The following TRAK1 variants were observed in gnomAD, a reference collection of about 807,000 sequenced individuals.
TRAK1 encodes trafficking kinesin-binding protein 1.
In TRAK1, 33 loss-of-function variants were observed where a neutral mutation model predicts 92.1. That is an observed-to-expected ratio of 0.36 (90% CI 0.27 to 0.48). The LOEUF (loss-of-function observed/expected upper bound fraction) is 0.48, where lower values mean the gene tolerates loss of function less well. TRAK1 is among the 20% of genes least tolerant of loss of function. TRAK1 has a pLI of 0.99. For missense variants in TRAK1, 1,123 were observed against 1,257.9 expected (o/e 0.89, Z 1.62); for synonymous variants, 521 against 517.3 (o/e 1.01, Z -0.10).
chr3:42,072,330 C>G (rs1462516319), intron 1 of TRAK1, among the ~76,000 whole-genome samples: 2 of 152,054 alleles, frequency 1.3e-5, no homozygotes, highest in Non-Finnish European at 2.9e-5. Context: ...TTCACTGGAC[C>G]TGGGCCAGCT....
rs984739371 is a variant in TRAK1 at position 42,161,141 on chromosome 3, C to G, written c.287-15673C>G. Among the ~76,000 whole-genome samples, 7 of 152,190 alleles carry G rather than the reference C, an allele frequency of 4.6e-5. 1 individual carries two copies. In the East Asian group the frequency reaches 1.3e-3, roughly 29 times the overall value. On this transcript the variant is annotated intron_variant, in intron 2 of 15. Coordinates refer to ENST00000327628, the MANE Select transcript of TRAK1 (RefSeq NM_001042646.3). ...CACTGCCGGCTCTCTTAAAGAGATG[C>G]TCCTTTGCAGGGAAAAGGGAGGATG...
intron 1 of TRAK1, among the ~76,000 whole-genome samples, chr3:42,115,024 T>G (rs968650941): frequency 6.6e-6 from 1 of 152,236 alleles, no homozygotes; most frequent in African/African-American, 2.4e-5. Context: ...ACATATGCTT[T>G]TAAGAGAAGT....
At position 42,222,961 on chromosome 3, in the gene TRAK1, C is replaced by T. The variant is rs1710506326; in HGVS notation, c.2086C>T (p.Pro696Ser). The T allele has an allele frequency of 6.2e-7, 1 of 1,613,454 alleles. No homozygotes were observed. Among genetic ancestry groups the T allele is most frequent in the Admixed American group, 1.7e-5 (1 of 59,996 alleles). The change falls in exon 16 of 16, where the codon CCA becomes TCA. Residue 696 changes from proline to serine, a missense_variant. Physicochemically the swap from Pro to Ser is moderately conservative, Grantham distance 74. Transcript: ENST00000327628. ...VTPSLNSAPT[P>S]ACGSTSHLKS... ...TTTCAGCCTTAACTCAGCCCCAACT[C>T]CAGCTTGTGGCAGCACCAGCCACTT...
intron 1 of TRAK1, among the ~76,000 whole-genome samples, chr3:42,044,957 G>A (rs1465221266): frequency 6.6e-6 from 1 of 151,802 alleles, no homozygotes; most frequent in Non-Finnish European, 1.5e-5. Context: ...ATGCTTGTGT[G>A]TTTTTTTAAA....
chr3:42,084,411 T>A (rs1221030467), upstream of TRAK1, among the ~76,000 whole-genome samples: 4 of 152,214 alleles, frequency 2.6e-5, no homozygotes, highest in African/African-American at 9.6e-5. Flanking sequence ...CTGGGTAACA[T>A]AGTAAGACTC....
intron 14 of TRAK1, chr3:42,218,507 A>G (rs929681639): frequency 2.0e-6 from 2 of 984,076 alleles, no homozygotes; most frequent in Non-Finnish European, 2.4e-6. Flanking sequence ...TTCGGGCAGC[A>G]TCTTTTTTTT....
chr3:42,078,752 C>CAAAAAAAAAAA (rs748321736), intron 1 of TRAK1, among the ~76,000 whole-genome samples: 2 of 49,648 alleles, frequency 4.0e-5, no homozygotes, highest in Non-Finnish European at 4.4e-5. Flanking sequence ...GATTCCATCT[C>CAAAAAAAAAAA]AAAAAAAAAA....
intron 1 of TRAK1, among the ~76,000 whole-genome samples, chr3:42,039,237 C>A (rs990882165): frequency 6.6e-6 from 1 of 152,132 alleles, no homozygotes; most frequent in African/African-American, 2.4e-5. Context: ...TTAAGTGTTG[C>A]CCATGTTGTA....
chr3:42,095,718 G>GTCATCGTCATCATCATCATCATCA (rs778708244), intron 1 of TRAK1, among the ~76,000 whole-genome samples: 2 of 151,188 alleles, frequency 1.3e-5, no homozygotes, highest in Admixed American at 1.3e-4. Flanking sequence ...CTTTATCATC[G>GTCATCGTCATCATCATCATCATCA]TCATCATCAT....
intron 3 of TRAK1, among the ~76,000 whole-genome samples, chr3:42,183,553 T>TAAAAAAAAAAAAAAAAA (rs11293523): frequency 6.0e-5 from 7 of 117,352 alleles, no homozygotes; most frequent in South Asian, 2.8e-4. Context: ...AGACTCTGTC[T>TAAAAAAAAAAAAAAAAA]AAAAAAAAAA....
chr3:42,065,709 A>G (rs1489429905), intron 1 of TRAK1, among the ~76,000 whole-genome samples: 1 of 152,104 alleles, frequency 6.6e-6, no homozygotes, highest in African/African-American at 2.4e-5. Context: ...GACTCACTAC[A>G]GCCTCGACCT....
chr3:42,090,052 G>T (rs1330805088), upstream of TRAK1, among the ~76,000 whole-genome samples: 1 of 152,188 alleles, frequency 6.6e-6, no homozygotes, highest in Non-Finnish European at 1.5e-5. Context: ...CAGGGCAAGG[G>T]TTCTTTGCTG....
At chr3:42,136,741 G>A (rs1698010996) in intron 2 of TRAK1, among the ~76,000 whole-genome samples, 1 of 151,950 alleles carries the variant, frequency 6.6e-6, no homozygotes, top group African/African-American at 2.4e-5. Context: ...GGAGTGCAGT[G>A]GCGTGTTCTT....
intron 1 of TRAK1, among the ~76,000 whole-genome samples, chr3:42,023,744 G>GT (rs780080581): frequency 0.026 from 2,556 of 99,058 alleles, 530 homozygotes; most frequent in African/African-American, 0.053. Context: ...GCTCGTGAGG[G>GT]TTTTTTTTTT....
At chr3:42,151,032 A>C (rs1033432038) in intron 2 of TRAK1, among the ~76,000 whole-genome samples, 2 of 152,082 alleles carry the variant, frequency 1.3e-5, no homozygotes, top group African/African-American at 4.8e-5. Flanking sequence ...GACTCATTGA[A>C]CCCTCTATAA....
intron 2 of TRAK1, among the ~76,000 whole-genome samples, chr3:42,135,141 T>C (rs562593762): frequency 2.6e-5 from 4 of 152,280 alleles, no homozygotes; most frequent in African/African-American, 7.2e-5. Context: ...TGCCAGGTAG[T>C]GTTTGTAACT....
At chr3:42,203,471 C>A in intron 13 of TRAK1, 1 of 981,344 alleles carries the variant, frequency 1.0e-6, no homozygotes, top group Middle Eastern at 5.2e-4. Context: ...CTCCTTCCCT[C>A]TCTCCCTCTT....
intron 1 of TRAK1, among the ~76,000 whole-genome samples, chr3:42,035,956 A>G (rs561277844): frequency 2.0e-5 from 3 of 152,324 alleles, no homozygotes; most frequent in Non-Finnish European, 4.4e-5. Flanking sequence ...CTGGCAGTCT[A>G]GGTATTTCCT....
chr3:42,026,170 T>G (rs755203726), intron 1 of TRAK1, among the ~76,000 whole-genome samples: 2 of 152,162 alleles, frequency 1.3e-5, no homozygotes, highest in Non-Finnish European at 2.9e-5. Context: ...TAATCCTTTG[T>G]GAAACTAGAA....
Sources: gnomAD v4.1 joint callset for allele counts (sites outside exome capture counted in the v4.1 genomes callset) on GRCh38, gnomAD v4.1.1 for gene constraint, MANE v1.5 for transcripts, NCBI Gene and HGNC (gene_info 2026-07-23, HGNC 2026-07-21) for gene names.